The following PTPRN2 variants were observed in gnomAD, a reference collection of about 807,000 sequenced individuals.
The protein encoded by PTPRN2 is protein tyrosine phosphatase receptor type N2.
In PTPRN2, 74 loss-of-function variants were observed where a neutral mutation model predicts 118.8. The ratio of observed to expected loss-of-function variants is 0.62; its 90% CI spans 0.52 to 0.76. The LOEUF (loss-of-function observed/expected upper bound fraction) is 0.76. Ranked by LOEUF, PTPRN2 falls within the 30% of genes least tolerant of loss-of-function variation. PTPRN2 has a pLI of 0.00. For synonymous variants in PTPRN2, 641 were observed against 608.0 expected (o/e 1.05, Z -0.80); for missense variants, 1,481 against 1,394.4 (o/e 1.06, Z -0.99).
At chr7:158,132,838 TCATA>T (rs1293897615) in intron 9 of PTPRN2, among the ~76,000 whole-genome samples, 1 of 145,554 alleles carries the variant, frequency 6.9e-6, no homozygotes, top group Non-Finnish European at 1.5e-5. Flanking sequence ...ACATACACAC[TCATA>T]CACACACACA....
rs1385542254 is a variant in PTPRN2, at chr7:157,596,130, T to C, written c.2419-815A>G. ...CTCTCAATGGAGAGTGTGAACAGGG[T>C]TCCTCCAGGCCTCATGGACAAACTT... On this transcript the variant is annotated intron_variant, in intron 16 of 22. Coordinates refer to ENST00000389418, the MANE Select transcript of PTPRN2 (RefSeq NM_002847.5). This position sits in a 1 kb window ranked among gnomAD's most constrained non-coding sequence, Gnocchi z 4.2. Among the ~76,000 whole-genome samples the C allele has an allele frequency of 1.3e-5, 2 of 152,032 alleles. No individual in the cohort carries two copies. The highest frequency in any genetic ancestry group is 4.8e-5 in the African/African-American group (2 of 41,386).
chr7:158,310,050 C>A (rs190351610), intron 3 of PTPRN2, among the ~76,000 whole-genome samples: 174 of 152,284 alleles, frequency 1.1e-3, no homozygotes, highest in African/African-American at 3.9e-3. Context: ...TATGGGGGAG[C>A]CTCCAGAGCT....
At position 157,986,709 on chromosome 7, in the gene PTPRN2, C is replaced by G. The variant is rs946371424; in HGVS notation, c.1724-87972G>C. 6.6e-6 allele frequency among the ~76,000 whole-genome samples: 1 copy of G among 152,324 alleles called. No individual in the cohort carries two copies. The highest frequency in any genetic ancestry group is 2.1e-4 in the South Asian group (1 of 4,826). ...TAAATTAGAAATAATGAAGGCTTCA[C>G]TCTTCCACGGGGTTCTGCCCTTGGA... On this transcript the variant is annotated intron_variant, in intron 11 of 22. Transcript: ENST00000389418. This position sits in a 1 kb window ranked among gnomAD's most constrained non-coding sequence, Gnocchi z 4.5.
intron 12 of PTPRN2, among the ~76,000 whole-genome samples, chr7:157,846,909 T>C (rs71543612): frequency 2.0e-5 from 3 of 148,790 alleles, no homozygotes; most frequent in Non-Finnish European, 4.4e-5. Context: ...GACTCCATCA[T>C]GTGTGCCTGA....
rs545288307 is a variant in PTPRN2, at chr7:158,557,570, C to G, written c.112+29988G>C. On this transcript the variant is annotated intron_variant, in intron 1 of 22. Transcript: ENST00000389418. ...CGCTCAACCCGTGGCTGGCTGTGCT[C>G]GGGTGTGTTTCCTCACCTCTCTCTC... Among the ~76,000 whole-genome samples, 6 of 152,356 alleles carry G rather than the reference C, an allele frequency of 3.9e-5. No homozygotes were observed. In the East Asian group the frequency reaches 1.2e-3, roughly 29 times the overall value.
At chr7:158,176,291 G>C (rs924328831) in intron 5 of PTPRN2, among the ~76,000 whole-genome samples, 1 of 152,012 alleles carries the variant, frequency 6.6e-6, no homozygotes, top group African/African-American at 2.4e-5. Context: ...ATCGCCACGG[G>C]GCTCTTATTC....
In PTPRN2 at chr7:158,549,835, T is replaced by C. The variant is rs535498561; in HGVS notation, c.112+37723A>G. Among the ~76,000 whole-genome samples the C allele has an allele frequency of 2.6e-5, 4 of 152,352 alleles. No individual in the cohort carries two copies. The East Asian group carries it at 7.7e-4, about 29-fold the overall frequency. On this transcript the variant is annotated intron_variant, in intron 1 of 22. Coordinates refer to ENST00000389418, the MANE Select transcript of PTPRN2 (RefSeq NM_002847.5). ...TGGCCTCCAAGTTTTCCTCTTCCTCTTTCTTCCTCCCAAGAGCCCAATTAA... is the reference window on the plus strand; with the variant it reads ...TGGCCTCCAAGTTTTCCTCTTCCTCCTTCTTCCTCCCAAGAGCCCAATTAA...
intron 2 of PTPRN2, among the ~76,000 whole-genome samples, chr7:158,362,699 T>C (rs201317845): frequency 0.079 from 1,936 of 24,380 alleles, 26 homozygotes; most frequent in Non-Finnish European, 0.15. Flanking sequence ...GGTTTGTCCA[T>C]CACAACCACG....
At chr7:157,620,131 G>T (rs970717636) in intron 15 of PTPRN2, among the ~76,000 whole-genome samples, 3 of 152,154 alleles carry the variant, frequency 2.0e-5, no homozygotes, top group African/African-American at 7.2e-5. Flanking sequence ...ACTCAACGTT[G>T]TGAGTATCTA....
intron 3 of PTPRN2, among the ~76,000 whole-genome samples, chr7:158,264,025 C>T (rs779757452): frequency 9.9e-5 from 15 of 152,198 alleles, no homozygotes; most frequent in African/African-American, 2.2e-4. Context: ...GCCACTCTCA[C>T]GCTTCCCACC....
chr7:158,328,862 C>G (rs1456916639), intron 2 of PTPRN2, among the ~76,000 whole-genome samples: 1 of 149,748 alleles, frequency 6.7e-6, no homozygotes, highest in African/African-American at 2.5e-5. Context: ...CCCAGCTTCC[C>G]TGAGCGACAA....
At position 157,977,144 on chromosome 7, in the gene PTPRN2, C is replaced by T. The variant is rs961748622; in HGVS notation, c.1724-78407G>A. Among the ~76,000 whole-genome samples the T allele has an allele frequency of 1.3e-4, 19 of 151,894 alleles. No homozygotes were observed. Among genetic ancestry groups the T allele is most frequent in the Admixed American group, 9.2e-4 (14 of 15,260 alleles). On this transcript the variant is annotated intron_variant, in intron 11 of 22. Coordinates refer to ENST00000389418, the MANE Select transcript of PTPRN2 (RefSeq NM_002847.5). This position sits in a 1 kb window ranked among gnomAD's most constrained non-coding sequence, Gnocchi z 4.6. Reference sequence around the variant, plus strand: ...ATCTAATAATTAGTTAACTGATTAACGAAATGCATATTCATTAAGCACACC... The same window carrying T: ...ATCTAATAATTAGTTAACTGATTAATGAAATGCATATTCATTAAGCACACC...
chr7:158,414,629 C>T (rs533697279), intron 2 of PTPRN2, among the ~76,000 whole-genome samples: 26 of 152,364 alleles, frequency 1.7e-4, no homozygotes, highest in African/African-American at 5.5e-4. Context: ...CCCCCGCTTC[C>T]ACGGCCCAAA....
At chr7:157,559,779 C>A (rs528908381) in intron 21 of PTPRN2, among the ~76,000 whole-genome samples, 1 of 152,308 alleles carries the variant, frequency 6.6e-6, no homozygotes, top group East Asian at 1.9e-4. Context: ...GGGACCAGTG[C>A]TTCGGGCACA....
In PTPRN2 at chr7:157,615,391, C is replaced by T. The variant is rs1278067441; in HGVS notation, c.2344+5971G>A. ...TTGGGCTCCCTAACCTCCTTCAGCC[C>T]CAGCTCTGTCCCTGTGTGAATCTCA... On this transcript the variant is annotated intron_variant, in intron 15 of 22. Coordinates refer to ENST00000389418, the MANE Select transcript of PTPRN2 (RefSeq NM_002847.5). The surrounding 1 kb of genome is among the most constrained non-coding windows in gnomAD (Gnocchi z 4.3). 1 of 467,618 alleles carries T rather than the reference C, an allele frequency of 2.1e-6. No homozygotes were observed. 29.0% of individuals were successfully genotyped at this position (467,618 alleles called of 1,614,324 possible).
At chr7:157,980,626 C>T (rs1197706468) in intron 11 of PTPRN2, among the ~76,000 whole-genome samples, 2 of 152,166 alleles carry the variant, frequency 1.3e-5, no homozygotes, top group African/African-American at 4.8e-5. Context: ...TGGCACGTGC[C>T]TGTAGTCCCA....
intron 12 of PTPRN2, among the ~76,000 whole-genome samples, chr7:157,828,158 G>A (rs759748650): frequency 1.3e-5 from 2 of 152,202 alleles, no homozygotes; most frequent in Non-Finnish European, 2.9e-5. Context: ...TCAGCATCAC[G>A]TCTTACTCAG....
At chr7:157,696,571 C>T (rs1797786069) in intron 12 of PTPRN2, among the ~76,000 whole-genome samples, 1 of 138,530 alleles carries the variant, frequency 7.2e-6, no homozygotes, top group African/African-American at 2.7e-5. Flanking sequence ...CTTAGTAGAG[C>T]CCTCACCATC....
intron 2 of PTPRN2, among the ~76,000 whole-genome samples, chr7:158,418,087 C>T (rs931317305): frequency 1.3e-5 from 2 of 150,154 alleles, no homozygotes; most frequent in Non-Finnish European, 3.0e-5. Flanking sequence ...TTCAGTGTCC[C>T]ACTGTGTTAA....
Sources: allele counts gnomAD v4.1 joint callset (sites outside exome capture counted in the v4.1 genomes callset), GRCh38; gene constraint gnomAD v4.1.1; non-coding constraint Gnocchi (gnomAD v3.1); transcripts MANE v1.5; gene names NCBI Gene and HGNC (gene_info 2026-07-23, HGNC 2026-07-21).